The following SLC9A9 variants were observed in gnomAD, a reference collection of about 807,000 sequenced individuals.
SLC9A9 encodes the protein solute carrier family 9 member A9.
A neutral mutation model predicts 77.8 loss-of-function variants in SLC9A9; 62 were observed. The ratio of observed to expected loss-of-function variants is 0.80; its 90% CI spans 0.65 to 0.98. The LOEUF (loss-of-function observed/expected upper bound fraction) is 0.98, where lower values mean the gene tolerates loss of function less well. Among genes scored for constraint, SLC9A9 ranks in the 50% least tolerant of loss-of-function variants. The pLI is 0.00. For synonymous variants in SLC9A9, 320 were observed against 283.5 expected, an observed-to-expected ratio of 1.13 and a Z score of -1.29; for missense variants, 775 against 774.9, an observed-to-expected ratio of 1.00 and a Z score of 0.00.
chr3:143,797,482 C>T (rs1279338065), intron 2 of SLC9A9, among the ~76,000 whole-genome samples: 1 of 152,128 alleles, frequency 6.6e-6, no homozygotes, highest in African/African-American at 2.4e-5. Flanking sequence ...CATCATATCC[C>T]CTGTGACCTG....
intron 8 of SLC9A9, among the ~76,000 whole-genome samples, chr3:143,555,439 G>C (rs1012014789): frequency 1.3e-5 from 2 of 152,142 alleles, no homozygotes; most frequent in African/African-American, 4.8e-5. Context: ...CTAATGATTA[G>C]AGCAGTACCA....
intron 14 of SLC9A9, among the ~76,000 whole-genome samples, chr3:143,335,012 C>T (rs563063006): frequency 2.4e-4 from 37 of 151,938 alleles, no homozygotes; most frequent in African/African-American, 8.7e-4. Context: ...ACAATGATCT[C>T]TGTTCACAGA....
In SLC9A9 at chr3:143,589,502, T is replaced by C. The variant is rs984970502; in HGVS notation, c.756-10779A>G. Among the ~76,000 whole-genome samples, 12 of 152,284 alleles carry C rather than the reference T, an allele frequency of 7.9e-5. No homozygotes were observed. In the East Asian group the frequency reaches 2.3e-3, roughly 29 times the overall value. On this transcript the variant is annotated intron_variant, in intron 6 of 15. Coordinates refer to ENST00000316549, the MANE Select transcript of SLC9A9 (RefSeq NM_173653.4). The stretch of plus-strand genomic sequence containing the variant: ...TACTTACCATTGGGTTATAACTGCC[T>C]ACAATATTAGTATAATAACATACTG...
intron 6 of SLC9A9, among the ~76,000 whole-genome samples, chr3:143,591,067 A>T (rs2037637096): frequency 6.6e-6 from 1 of 152,162 alleles, no homozygotes; most frequent in South Asian, 2.1e-4. Context: ...CCCCACTCCC[A>T]TTATAAACAG....
chr3:143,457,398 C>G (rs891935255), intron 12 of SLC9A9, among the ~76,000 whole-genome samples: 5 of 152,116 alleles, frequency 3.3e-5, no homozygotes, highest in Non-Finnish European at 5.9e-5. Flanking sequence ...TTTTATTGCT[C>G]TTTTCAAAGA....
rs964787939 is a variant in SLC9A9, at chr3:143,265,773, C to T, written c.*929G>A. On this transcript the variant is annotated 3_prime_UTR_variant, in exon 16 of 16. Transcript: ENST00000316549. ...CTCTGTTCCTCTCGCCCTGCTCCTG[C>T]ACTGCTCATCAGCTGTGAATGCTGG... 7.3e-6 allele frequency: 4 copies of T among 546,702 alleles called. No homozygotes were observed. Among genetic ancestry groups the T allele is most frequent in the Non-Finnish European group, 1.3e-5 (4 of 309,754 alleles). The allele number at this position is 546,702 out of a possible 1,614,324, so 33.9% of individuals were successfully genotyped here.
intron 4 of SLC9A9, among the ~76,000 whole-genome samples, chr3:143,734,668 A>T (rs1934894364): frequency 6.8e-6 from 1 of 146,078 alleles, no homozygotes; most frequent in Admixed American, 7.0e-5. Flanking sequence ...CAGGAGGCGG[A>T]GGTTGCAGTG....
intron 5 of SLC9A9, among the ~76,000 whole-genome samples, chr3:143,686,137 A>G (rs935520): frequency 0.76 from 114,586 of 151,412 alleles, 44,379 homozygotes; most frequent in East Asian, 0.88. Context: ...TTCACATTTC[A>G]TAATTGAAAA....
chr3:143,578,850 GA>G, intron 6 of SLC9A9, 127 bp from the exon 7 acceptor site: 1 of 1,097,974 alleles, frequency 9.1e-7, no homozygotes, highest in Non-Finnish European at 1.4e-6. Context: ...AGAGTTAGGG[GA>G]AAACAGATAC....
chr3:143,848,102 G>T (rs768795068), intron 1 of SLC9A9, 46 bp downstream of exon 1: 3 of 1,560,236 alleles, frequency 1.9e-6, no homozygotes, highest in African/African-American at 2.7e-5. Flanking sequence ...CTCTAATTAC[G>T]CTCAAGCAAC....
At chr3:143,815,547 A>T (rs112585812) in intron 2 of SLC9A9, among the ~76,000 whole-genome samples, 1,597 of 27,550 alleles carry the variant, frequency 0.058, 25 homozygotes, top group African/African-American at 0.091. Flanking sequence ...TTGCTATTTT[A>T]AAAAAAAAAA....
chr3:143,421,985 A>G (rs180939706), intron 12 of SLC9A9, among the ~76,000 whole-genome samples: 2 of 152,358 alleles, frequency 1.3e-5, no homozygotes, highest in Admixed American at 1.3e-4. Context: ...AACATATGAA[A>G]AAATGCTGAA....
At chr3:143,511,410 G>A (rs1004819587) in intron 9 of SLC9A9, among the ~76,000 whole-genome samples, 13 of 152,156 alleles carry the variant, frequency 8.5e-5, no homozygotes, top group Admixed American at 8.5e-4. Flanking sequence ...TTTTAATTGG[G>A]GAGGAAGGAG....
At chr3:143,422,385 T>C (rs974356323) in intron 12 of SLC9A9, among the ~76,000 whole-genome samples, 5 of 152,222 alleles carry the variant, frequency 3.3e-5, no homozygotes, top group Admixed American at 2.0e-4. Flanking sequence ...AAAGAAAATG[T>C]GGTACATATA....
intron 1 of SLC9A9, among the ~76,000 whole-genome samples, chr3:143,845,761 A>T (rs1183038421): frequency 2.0e-5 from 3 of 152,236 alleles, no homozygotes; most frequent in African/African-American, 7.2e-5. Context: ...CTTTTCATTG[A>T]TCTATATAGT....
At chr3:143,512,132 T>C (rs1247945561) in intron 9 of SLC9A9, among the ~76,000 whole-genome samples, 1 of 152,248 alleles carries the variant, frequency 6.6e-6, no homozygotes, top group Non-Finnish European at 1.5e-5. Context: ...CATATCATAA[T>C]GCTCCATAAA....
intron 2 of SLC9A9, among the ~76,000 whole-genome samples, chr3:143,808,853 CA>C (rs2008791739): frequency 6.6e-6 from 1 of 152,068 alleles, no homozygotes; most frequent in South Asian, 2.1e-4. Flanking sequence ...CATTGCCTGA[CA>C]TCTAGTAAGC....
In SLC9A9 at chr3:143,789,016, A is replaced by G. The variant is rs139811068; in HGVS notation, c.533+5985T>C. 1.8e-4 allele frequency among the ~76,000 whole-genome samples: 27 copies of G among 152,336 alleles called. No homozygotes were observed. The East Asian group carries it at 2.9e-3, about 16-fold the overall frequency. On this transcript the variant is annotated intron_variant, in intron 4 of 15. Transcript: ENST00000316549. ...TGGCAAAAATTAAGAGGGAAAATTG[A>G]TACCAGTACTTTGGAAAACAATTTG... is the stretch of plus-strand genomic sequence containing the variant.
chr3:143,423,171 A>G (rs920399215), intron 12 of SLC9A9, among the ~76,000 whole-genome samples: 1 of 152,100 alleles, frequency 6.6e-6, no homozygotes, highest in Admixed American at 6.6e-5. Context: ...ATATACATGT[A>G]GAAATGAACA....
Sources: gnomAD v4.1 joint callset for allele counts (sites outside exome capture counted in the v4.1 genomes callset) on GRCh38, gnomAD v4.1.1 for gene constraint, MANE v1.5 for transcripts, NCBI Gene and HGNC (gene_info 2026-07-23, HGNC 2026-07-21) for gene names.